KAT6A: variants seen among roughly 807,000 people sequenced by gnomAD.
The protein encoded by KAT6A is histone acetyltransferase KAT6A.
In KAT6A, 9 loss-of-function variants were observed where a neutral mutation model predicts 198.4. The observed-to-expected ratio is 0.05, with a 90% CI of 0.03 to 0.08. The LOEUF (loss-of-function observed/expected upper bound fraction) is 0.08, where lower values mean the gene tolerates loss of function less well. Among genes scored for constraint, KAT6A ranks in the 10% least tolerant of loss-of-function variants. The probability of loss-of-function intolerance (pLI) is 1.00; values close to 1 mark genes in which losing one functional copy is unlikely to be tolerated. For synonymous variants in KAT6A, 890 were observed against 883.0 expected (o/e 1.01, Z -0.14); for missense variants, 2,077 against 2,509.9 (o/e 0.83, Z 3.69).
At position 41,942,975 on chromosome 8, in the gene KAT6A, G is replaced by C; in HGVS notation, c.2254C>G (p.Leu752Val). Residue 752 changes from leucine (L) to valine (V), a missense_variant, in exon 14 of 17, where the codon CTT becomes GTT. Around this residue, in one of 13 missense-constraint regions of KAT6A, gnomAD observed 127 missense variants for 209.6 expected, o/e 0.61. Coordinates refer to ENST00000265713, the MANE Select transcript of KAT6A (RefSeq NM_006766.5). The stretch of plus-strand genomic sequence containing the variant: ...AGCTTTGCCATGTGATCCTGGATAA[G>C]TTTTTCCCGGCGGATAATCACAAAT... The part of the protein sequence containing the change: ...DQFVIIRREK[L>V]IQDHMAKLQL... The C allele has an allele frequency of 1.2e-6, 2 of 1,614,172 alleles. No homozygotes were observed. The highest frequency in any genetic ancestry group is 1.7e-6 in the Non-Finnish European group (2 of 1,180,018).
At chr8:41,952,711 G>A (rs1008382702) in intron 9 of KAT6A, among the ~76,000 whole-genome samples, 2 of 152,022 alleles carry the variant, frequency 1.3e-5, no homozygotes, top group Non-Finnish European at 2.9e-5. Flanking sequence ...AGTTTAGCAC[G>A]AAATAATAAA....
At chr8:41,974,675 G>C in intron 8 of KAT6A, 29 bp downstream of exon 8, 2 of 1,372,184 alleles carry the variant, frequency 1.5e-6, no homozygotes, top group Non-Finnish European at 2.1e-6. Flanking sequence ...CAAGTTGCTT[G>C]ATTGTCTAAC....
intron 11 of KAT6A, 113 bp from the exon 12 acceptor site, chr8:41,946,797 A>G (rs1822418556): frequency 1.5e-6 from 1 of 653,630 alleles, no homozygotes; most frequent in African/African-American, 2.0e-5. Flanking sequence ...TCCTTTGGGA[A>G]TAGCAACGTA....
chr8:42,005,794 A>ACT, intron 2 of KAT6A, among the ~76,000 whole-genome samples: 4 of 145,170 alleles, frequency 2.8e-5, no homozygotes, highest in Non-Finnish European at 3.0e-5. Context: ...ACACACACAC[A>ACT]CACACTCACT....
At chr8:41,940,114 G>C (rs1189630047) in intron 15 of KAT6A, among the ~76,000 whole-genome samples, 1 of 152,228 alleles carries the variant, frequency 6.6e-6, no homozygotes, top group Non-Finnish European at 1.5e-5. Flanking sequence ...CTGGCTGAGT[G>C]GCTCTTCCAG....
At chr8:41,934,906 G>T (rs777796191) in intron 16 of KAT6A, 39 bp from the exon 17 acceptor site, 1 of 1,491,314 alleles carries the variant, frequency 6.7e-7, no homozygotes, top group Admixed American at 2.2e-5. Flanking sequence ...AGGTTACAAG[G>T]TCTTACATTT....
intron 2 of KAT6A, among the ~76,000 whole-genome samples, chr8:42,040,733 C>A (rs1827618148): frequency 9.1e-5 from 2 of 21,940 alleles, no homozygotes; most frequent in Admixed American, 9.8e-4. Context: ...AAGACTCTGT[C>A]TCAAAAAAAA....
chr8:41,953,531 T>C (rs1207844939), intron 9 of KAT6A, among the ~76,000 whole-genome samples: 1 of 152,226 alleles, frequency 6.6e-6, no homozygotes, highest in Non-Finnish European at 1.5e-5. Context: ...GAGAGTGCAA[T>C]GGCGCGATCT....
chr8:42,033,415 T>C (rs964101066), intron 2 of KAT6A, among the ~76,000 whole-genome samples: 1 of 152,190 alleles, frequency 6.6e-6, no homozygotes, highest in Non-Finnish European at 1.5e-5. Flanking sequence ...TAAAATGCAA[T>C]GTTTGCTGGG....
intron 2 of KAT6A, among the ~76,000 whole-genome samples, chr8:42,007,894 G>A (rs1009202730): frequency 5.4e-5 from 8 of 149,256 alleles, no homozygotes; most frequent in African/African-American, 1.0e-4. Flanking sequence ...CCAGGGAGGC[G>A]GAGCTTGCAG....
intron 1 of KAT6A, among the ~76,000 whole-genome samples, chr8:42,051,191 G>A (rs994402296): frequency 2.6e-5 from 4 of 152,038 alleles, no homozygotes; most frequent in Non-Finnish European, 5.9e-5. Context: ...GGCGGCGCGG[G>A]TTGCTGGGAG....
At chr8:42,004,756 T>C (rs1825655825) in intron 2 of KAT6A, among the ~76,000 whole-genome samples, 1 of 151,992 alleles carries the variant, frequency 6.6e-6, no homozygotes, top group Admixed American at 6.6e-5. Flanking sequence ...TGAAACCCTA[T>C]CTCTAATAAA....
intron 8 of KAT6A, among the ~76,000 whole-genome samples, chr8:41,966,032 G>A (rs756756959): frequency 3.9e-5 from 6 of 152,142 alleles, no homozygotes; most frequent in Non-Finnish European, 1.5e-5. Context: ...GAAAAGGCTA[G>A]CACAGTTCAA....
intron 2 of KAT6A, among the ~76,000 whole-genome samples, chr8:42,039,604 A>G (rs78948177): frequency 0.08 from 12,226 of 152,300 alleles, 687 homozygotes; most frequent in Middle Eastern, 0.22. Flanking sequence ...ATTGGCCCAC[A>G]AGTCCAGGAT....
intron 15 of KAT6A, 98 bp from the exon 16 acceptor site, chr8:41,937,666 T>C (rs1174605004): frequency 1.1e-6 from 1 of 933,694 alleles, no homozygotes; most frequent in Non-Finnish European, 1.6e-6. Context: ...TTAGCACATA[T>C]AAAATGAGGA....
rs951811300 is a variant in KAT6A at position 41,934,423 on chromosome 8, T to C, written c.3797A>G (p.Lys1266Arg). Residue 1266 changes from lysine to arginine, a missense_variant, in exon 17 of 17, where the codon AAG (lysine) becomes AGG (arginine). Transcript: ENST00000265713. Reference sequence around the variant, plus strand: ...TTCTTCCTCCTCCACCTCAGGCTCCTTGGTTTCGGTCTCAGGACTATTGCT... The same window carrying C: ...TTCTTCCTCCTCCACCTCAGGCTCCCTGGTTTCGGTCTCAGGACTATTGCT... ...DSSNSPETET[K>R]EPEVEEEEEK... The C allele has an allele frequency of 6.2e-7, 1 of 1,610,514 alleles. No homozygotes were observed. Among genetic ancestry groups the C allele is most frequent in the Non-Finnish European group, 8.5e-7 (1 of 1,178,134 alleles).
chr8:42,040,216 T>G (rs1425081610), intron 2 of KAT6A, among the ~76,000 whole-genome samples: 3 of 152,028 alleles, frequency 2.0e-5, no homozygotes, highest in Non-Finnish European at 2.9e-5. Flanking sequence ...TGTTAGCTAT[T>G]AATAGGTTTC....
chr8:41,949,213 C>T lies in KAT6A; in HGVS notation c.1740+9G>A, dbSNP rs1405625115. 1.8e-5 allele frequency: 27 copies of T among 1,498,776 alleles called. No homozygotes were observed. The highest frequency in any genetic ancestry group is 2.2e-5 in the Non-Finnish European group (25 of 1,127,460). The allele number at this position is 1,498,776 out of a possible 1,614,324, so 92.8% of individuals were successfully genotyped here. On this transcript the variant is annotated intron_variant, in intron 10 of 16. Transcript: ENST00000265713. ...GGATGAGAGGACAATTACTAAGTAT[C>T]TACCTTACCTCAAAGACAGAAATAT... is the stretch of plus-strand genomic sequence containing the variant.
rs577658882 is a variant in KAT6A, at chr8:42,032,381, C to A, written c.600+15997G>T. Among the ~76,000 whole-genome samples, 8 of 152,192 alleles carry A rather than the reference C, an allele frequency of 5.3e-5. No individual in the cohort carries two copies. In the East Asian group the frequency reaches 1.5e-3, roughly 29 times the overall value. ...AATATATGTATGTGAAAGCAAAATT[C>A]TTCAATATCTGAAATATTTCAATAT... On this transcript the variant is annotated intron_variant, in intron 2 of 16. Transcript: ENST00000265713.
Sources: allele counts gnomAD v4.1 joint callset (sites outside exome capture counted in the v4.1 genomes callset), GRCh38; gene constraint gnomAD v4.1.1; regional missense constraint gnomAD v4.1.1; transcripts MANE v1.5; gene names NCBI Gene and HGNC (gene_info 2026-07-23, HGNC 2026-07-21).